The following HIVEP3 variants were observed in gnomAD, a reference collection of about 807,000 sequenced individuals.
HIVEP3 encodes transcription factor HIVEP3.
In HIVEP3, 49 loss-of-function variants were observed where a neutral mutation model predicts 152.8. The observed-to-expected ratio is 0.32, with a 90% confidence interval of 0.26 to 0.41. The LOEUF is 0.41. Among genes scored for constraint, HIVEP3 ranks in the 10% least tolerant of loss-of-function variants. The pLI is 1.00. For synonymous variants in HIVEP3, 1,269 were observed against 1,289.0 expected (o/e 0.98, Z 0.33); for missense variants, 2,790 against 3,103.3 (o/e 0.90, Z 2.40).
chr1:41,845,926 G>T (rs528811481), intron 1 of HIVEP3, among the ~76,000 whole-genome samples: 2 of 152,220 alleles, frequency 1.3e-5, no homozygotes, highest in South Asian at 2.1e-4. Context: ...AATTAGCCAG[G>T]CATGGTGGTT....
chr1:41,581,169 G>T lies in HIVEP3; in HGVS notation c.3629C>A (p.Pro1210His). 6.5e-7 allele frequency: 1 copy of T among 1,550,090 alleles called. No homozygotes were observed. Among genetic ancestry groups the T allele is most frequent in the East Asian group, 2.3e-5 (1 of 44,358 alleles). Residue 1210 changes from proline (P) to histidine (H), a missense_variant, in exon 4 of 9, where the codon CCT becomes CAT. Physicochemically the swap from Pro to His is moderately conservative, Grantham distance 77. Coordinates refer to ENST00000372583, the MANE Select transcript of HIVEP3 (RefSeq NM_024503.5). The surrounding 1 kb of genome is among the most constrained non-coding windows in gnomAD (Gnocchi z 4.5). The stretch of plus-strand genomic sequence containing the variant: ...CCTGAAGGGGATGTTGGCTGGGTGA[G>T]GCATGAGCTGGGGGAGATGGAGTTG... ...PGQLHLPQLM[P>H]HPANIPFRQP...
At chr1:41,878,405 G>C (rs1434358970) in intron 1 of HIVEP3, among the ~76,000 whole-genome samples, 1 of 152,056 alleles carries the variant, frequency 6.6e-6, no homozygotes, top group African/African-American at 2.4e-5. Context: ...GACCCCCAAG[G>C]CTCAGAAATC....
rs764597167 is a variant in HIVEP3 at position 41,584,534 on chromosome 1, T to C, written c.264A>G (p.Ala88=). Residue 88 remains alanine (A), a synonymous_variant, in exon 4 of 9, where the codon GCA becomes GCG. Coordinates refer to ENST00000372583, the MANE Select transcript of HIVEP3 (RefSeq NM_024503.5). The surrounding 1 kb of genome is among the most constrained non-coding windows in gnomAD (Gnocchi z 5.2). ...GCGGAAGCTGTGAGATGTGGACGGA[T>C]GCTTCGATGGGGGGCCTTTTGGGGG... ...QKPPKRPPIE[A]SVHISQLPQH... 1 of 1,613,994 alleles carries C rather than the reference T, an allele frequency of 6.2e-7. No individual in the cohort carries two copies. The highest frequency in any genetic ancestry group is 8.5e-7 in the Non-Finnish European group (1 of 1,179,972).
At chr1:41,778,207 C>T (rs4425978) in intron 1 of HIVEP3, among the ~76,000 whole-genome samples, 62,212 of 152,060 alleles carry the variant, frequency 0.41, 14,603 homozygotes, top group Non-Finnish European at 0.54. Context: ...CATTTCCTGG[C>T]GTTTGAGTGG....
At chr1:41,611,403 T>C (rs1348064531) in intron 3 of HIVEP3, among the ~76,000 whole-genome samples, 1 of 152,186 alleles carries the variant, frequency 6.6e-6, no homozygotes, top group Non-Finnish European at 1.5e-5. Context: ...GAAATGCTGA[T>C]GGGGACAGAG....
chr1:41,784,719 G>C (rs1649246277), intron 1 of HIVEP3, among the ~76,000 whole-genome samples: 1 of 152,202 alleles, frequency 6.6e-6, no homozygotes, highest in South Asian at 2.1e-4. Context: ...AAGGAGAAGA[G>C]CTTGGCCTAG....
intron 2 of HIVEP3, among the ~76,000 whole-genome samples, chr1:41,680,640 G>A (rs1036792677): frequency 7.2e-5 from 11 of 152,166 alleles, no homozygotes; most frequent in African/African-American, 2.7e-4. Flanking sequence ...TCTCATGCTG[G>A]CATCCCAAAT....
chr1:41,875,919 A>C (rs1227570120), intron 1 of HIVEP3, among the ~76,000 whole-genome samples: 1 of 152,104 alleles, frequency 6.6e-6, no homozygotes, highest in Non-Finnish European at 1.5e-5. Context: ...TCTCTCCCCC[A>C]CCGGGATGCA....
At chr1:41,759,021 C>T (rs1257237149) in intron 1 of HIVEP3, among the ~76,000 whole-genome samples, 1 of 152,070 alleles carries the variant, frequency 6.6e-6, no homozygotes, top group Non-Finnish European at 1.5e-5. Flanking sequence ...CAGTGTTGTG[C>T]AACCATCACC....
chr1:41,855,326 G>T (rs1412552142), intron 1 of HIVEP3, among the ~76,000 whole-genome samples: 195 of 131,686 alleles, frequency 1.5e-3, no homozygotes, highest in South Asian at 3.4e-3. Context: ...AAAAGCAATG[G>T]CAACAAAAGA....
At chr1:41,901,152 G>C (rs184031823) in intron 1 of HIVEP3, among the ~76,000 whole-genome samples, 4 of 151,964 alleles carry the variant, frequency 2.6e-5, no homozygotes, top group African/African-American at 9.7e-5. Context: ...GGTGAAGTCC[G>C]GCTTCTGGCC....
chr1:42,023,704 C>T (rs1448277736), intron 1 of HIVEP3, among the ~76,000 whole-genome samples: 3 of 152,186 alleles, frequency 2.0e-5, no homozygotes, highest in African/African-American at 7.2e-5. Flanking sequence ...GCTCCTCCTT[C>T]ACCTTCCGCC....
chr1:41,544,993 TCGCTAC>T (rs1643692000), intron 5 of HIVEP3, among the ~76,000 whole-genome samples: 1 of 23,392 alleles, frequency 4.3e-5, no homozygotes, highest in Non-Finnish European at 8.8e-5. Context: ...GCCACCACCA[TCGCTAC>T]CATCACCACC....
intron 1 of HIVEP3, among the ~76,000 whole-genome samples, chr1:41,945,649 G>C (rs558231132): frequency 6.7e-6 from 1 of 149,010 alleles, no homozygotes; most frequent in African/African-American, 2.5e-5. Context: ...ACCCTCACTG[G>C]GACACAGAAT....
chr1:41,958,661 T>C (rs1645153208), intron 1 of HIVEP3, among the ~76,000 whole-genome samples: 1 of 152,262 alleles, frequency 6.6e-6, no homozygotes, highest in Non-Finnish European at 1.5e-5. Context: ...CATTCCTGGA[T>C]GACAGAAAAG....
At chr1:41,518,025 A>T (rs992287824) in intron 7 of HIVEP3, among the ~76,000 whole-genome samples, 1 of 152,240 alleles carries the variant, frequency 6.6e-6, no homozygotes, top group African/African-American at 2.4e-5. Flanking sequence ...GCATGCATTT[A>T]GAACCCGCCT....
intron 1 of HIVEP3, among the ~76,000 whole-genome samples, chr1:41,990,021 G>GTTTCTTCCTA: frequency 1.5e-5 from 1 of 65,668 alleles, no homozygotes; most frequent in Middle Eastern, 4.4e-3. Flanking sequence ...TAGTCTCGAT[G>GTTTCTTCCTA]GTCTTTACAT....
intron 1 of HIVEP3, among the ~76,000 whole-genome samples, chr1:41,799,677 G>A (rs1406799188): frequency 1.3e-5 from 2 of 151,842 alleles, no homozygotes; most frequent in Non-Finnish European, 2.9e-5. Context: ...TTTAAAAAAA[G>A]TTACCAAGAA....
intron 2 of HIVEP3, among the ~76,000 whole-genome samples, chr1:41,674,927 T>TC (rs1645932231): frequency 1.3e-5 from 2 of 152,036 alleles, no homozygotes; most frequent in South Asian, 4.1e-4. Flanking sequence ...ACTCCCCTTT[T>TC]CCCCCACACA....
Sources: gnomAD v4.1 joint callset for allele counts (sites outside exome capture counted in the v4.1 genomes callset) on GRCh38, gnomAD v4.1.1 for gene constraint, Gnocchi (gnomAD v3.1) non-coding constraint, MANE v1.5 for transcripts, NCBI Gene and HGNC (gene_info 2026-07-23, HGNC 2026-07-21) for gene names.